Variants in TRPM1 observed in about 807,000 individuals in gnomAD.
TRPM1 encodes TRPM1-203 APA Isoform, Intron 10.
In TRPM1, 113 loss-of-function variants were observed where a neutral mutation model predicts 149.4. The observed-to-expected ratio is 0.76, with a 90% CI of 0.65 to 0.88. The LOEUF (loss-of-function observed/expected upper bound fraction) is 0.88, where lower values mean the gene tolerates loss of function less well. Ranked by LOEUF, TRPM1 falls within the 40% of genes least tolerant of loss-of-function variation. The pLI is 0.00. For missense variants in TRPM1, 1,976 were observed against 2,038.7 expected (o/e 0.97, Z 0.59); for synonymous variants, 741 against 759.5 (o/e 0.98, Z 0.40).
intron 5 of TRPM1, among the ~76,000 whole-genome samples, chr15:31,067,585 G>C (rs1171573682): frequency 3.9e-5 from 6 of 152,088 alleles, no homozygotes; most frequent in Non-Finnish European, 1.5e-5. Context: ...AAGGATTGTC[G>C]AGAGGTCTAA....
chr15:31,048,234 T>G (rs1040850997), intron 13 of TRPM1, among the ~76,000 whole-genome samples: 2 of 152,162 alleles, frequency 1.3e-5, no homozygotes, highest in African/African-American at 4.8e-5. Flanking sequence ...TACTCCAGCC[T>G]AGGTGATAAA....
chr15:31,158,961 C>A (rs115724511), intron 1 of TRPM1, among the ~76,000 whole-genome samples: 2 of 151,986 alleles, frequency 1.3e-5, no homozygotes, highest in Non-Finnish European at 2.9e-5. Context: ...CATCTAGAGA[C>A]GAGGAATGCC....
chr15:31,112,602 T>C (rs979556179), intron 1 of TRPM1, among the ~76,000 whole-genome samples: 1 of 152,178 alleles, frequency 6.6e-6, no homozygotes, highest in Admixed American at 6.5e-5. Context: ...ACTTTTTTTT[T>C]AATTGGCTGA....
rs1439594282 is a variant in TRPM1, at chr15:31,051,144, A to G, written c.1264-562T>C. Among the ~76,000 whole-genome samples, 36 of 152,010 alleles carry G rather than the reference A, an allele frequency of 2.4e-4. 1 individual carries two copies. Among genetic ancestry groups the G allele is most frequent in the Admixed American group, 2.4e-3 (36 of 15,280 alleles). On this transcript the variant is annotated intron_variant, in intron 11 of 27. Coordinates refer to ENST00000256552, the MANE Select transcript of TRPM1 (RefSeq NM_001252024.2). Reference sequence around the variant, plus strand: ...ATGCATGCAATGCGGTGACAGACTCATTCATCAAGGGGAGTGTGTGCTCTA... The same window carrying G: ...ATGCATGCAATGCGGTGACAGACTCGTTCATCAAGGGGAGTGTGTGCTCTA...
At chr15:31,086,763 T>A (rs569183308) in intron 1 of TRPM1, among the ~76,000 whole-genome samples, 1 of 152,350 alleles carries the variant, frequency 6.6e-6, no homozygotes, top group East Asian at 1.9e-4. Context: ...TAAGGGAGGT[T>A]GTTAAAAGTG....
At position 31,112,629 on chromosome 15, in the gene TRPM1, G is replaced by A. The variant is rs1439172584; in HGVS notation, c.55-35645C>T. ...ATTGGCTGAGATGAAAAGGCGTGGTGTCCACTTTGAGGGGTTCCTGATTCA... is the reference window on the plus strand; with the variant it reads ...ATTGGCTGAGATGAAAAGGCGTGGTATCCACTTTGAGGGGTTCCTGATTCA... On this transcript the variant is annotated intron_variant, in intron 1 of 26. Transcript: ENST00000542188. 3.9e-5 allele frequency among the ~76,000 whole-genome samples: 6 copies of A among 152,140 alleles called. No individual in the cohort carries two copies. In the East Asian group the frequency reaches 1.2e-3, roughly 29 times the overall value.
At chr15:31,099,775 A>G (rs2035472856) in intron 1 of TRPM1, among the ~76,000 whole-genome samples, 1 of 152,218 alleles carries the variant, frequency 6.6e-6, no homozygotes, top group South Asian at 2.1e-4. Flanking sequence ...AATACACTGC[A>G]GAGAATAGAC....
intron 1 of TRPM1, among the ~76,000 whole-genome samples, chr15:31,088,031 A>G (rs771075115): frequency 1.3e-5 from 2 of 152,366 alleles, no homozygotes; most frequent in Admixed American, 6.5e-5. Flanking sequence ...AAATGCAGCT[A>G]TCTGCGCTTC....
chr15:31,106,935 T>C lies in TRPM1; in HGVS notation c.55-29951A>G, dbSNP rs761889664. Among the ~76,000 whole-genome samples the C allele has an allele frequency of 4.6e-5, 7 of 152,220 alleles. No individual in the cohort carries two copies. In the South Asian group the frequency reaches 1.4e-3, roughly 32 times the overall value. ...TTTTCCCACAGCCTCACCAACAAAA[T>C]ACGTTGTTACACTTTTAGAATTTTG... is the stretch of plus-strand genomic sequence containing the variant. On this transcript the variant is annotated intron_variant, in intron 1 of 26. Coordinates refer to the TRPM1 transcript ENST00000542188.
At chr15:31,044,508 C>T (rs866561226) in intron 16 of TRPM1, among the ~76,000 whole-genome samples, 4 of 152,054 alleles carry the variant, frequency 2.6e-5, no homozygotes, top group Admixed American at 6.6e-5. Flanking sequence ...CGTGGTGGCT[C>T]GTGCCTGTAA....
chr15:31,072,932 A>G (rs1309976732), intron 3 of TRPM1, among the ~76,000 whole-genome samples: 1 of 152,136 alleles, frequency 6.6e-6, no homozygotes, highest in Non-Finnish European at 1.5e-5. Context: ...TATCAGAGAC[A>G]TAATTCACAA....
At chr15:31,113,159 C>T (rs1302409893) in intron 1 of TRPM1, among the ~76,000 whole-genome samples, 5 of 152,158 alleles carry the variant, frequency 3.3e-5, no homozygotes, top group African/African-American at 4.8e-5. Flanking sequence ...TGAATCACCC[C>T]CTTCAAAACT....
intron 1 of TRPM1, among the ~76,000 whole-genome samples, chr15:31,146,546 C>CA (rs1413597314): frequency 6.6e-6 from 1 of 152,242 alleles, no homozygotes; most frequent in Non-Finnish European, 1.5e-5. Context: ...ATTTACCAAA[C>CA]ACGCCAATTT....
At chr15:31,101,818 C>T (rs1416957837), upstream of TRPM1, 11 of 713,314 alleles carry the variant, frequency 1.5e-5, no homozygotes, top group African/African-American at 1.9e-5. Flanking sequence ...TGCTGTGAAG[C>T]GATGGCCCCA....
chr15:31,042,221 C>T lies in TRPM1; in HGVS notation c.1817G>A (p.Gly606Glu), dbSNP rs2033641160. ...GMEDDEPPAK[G>E]KKKKKKKKEE... is the part of the protein sequence containing the mutation. The stretch of plus-strand genomic sequence containing the variant: ...CTTTTTCTTCTTTTTCTTTTTCTTC[C>T]CTTTAGCTGGAGGCTCATCATCCTG... The change falls in exon 17 of 28, where the codon GGG becomes GAG. Residue 606 changes from glycine to glutamate, a missense_variant. By Grantham distance (98) the Gly-to-Glu change is moderately conservative (BLOSUM62 -2). Coordinates refer to ENST00000256552, the MANE Select transcript of TRPM1 (RefSeq NM_001252024.2). 2.5e-6 allele frequency: 4 copies of T among 1,589,308 alleles called. No individual in the cohort carries two copies. The East Asian group carries it at 6.9e-5, about 27-fold the overall frequency.
At chr15:31,007,659 C>G (rs931779948) in intron 27 of TRPM1, among the ~76,000 whole-genome samples, 5 of 87,626 alleles carry the variant, frequency 5.7e-5, no homozygotes, top group Non-Finnish European at 8.8e-5. Context: ...GCAGCAACAA[C>G]AACAACAACA....
At chr15:31,023,940 T>G (rs755054219) in intron 27 of TRPM1, among the ~76,000 whole-genome samples, 2 of 152,118 alleles carry the variant, frequency 1.3e-5, no homozygotes, top group African/African-American at 4.8e-5. Flanking sequence ...TTCCAAACAT[T>G]AGGAGAGAAC....
intron 27 of TRPM1, among the ~76,000 whole-genome samples, chr15:31,003,631 C>T (rs887372329): frequency 5.9e-5 from 9 of 152,038 alleles, no homozygotes; most frequent in African/African-American, 1.9e-4. Context: ...ATGGTTATAA[C>T]AAAATAAATA....
intron 13 of TRPM1, among the ~76,000 whole-genome samples, 188 bp downstream of exon 13, chr15:31,049,187 G>T (rs2033865161): frequency 6.6e-6 from 1 of 152,182 alleles, no homozygotes; most frequent in African/African-American, 2.4e-5. Flanking sequence ...GGCGAGGCAT[G>T]GCAGGAGGTG....
Sources: gnomAD v4.1 joint callset for allele counts (sites outside exome capture counted in the v4.1 genomes callset) on GRCh38, gnomAD v4.1.1 for gene constraint, MANE v1.5 for transcripts, NCBI Gene and HGNC (gene_info 2026-07-23, HGNC 2026-07-21) for gene names.